The following CRLF3 variants were observed in gnomAD, a reference collection of about 807,000 sequenced individuals.
CRLF3 encodes cytokine receptor-like factor 3.
A neutral mutation model predicts 55.0 loss-of-function variants in CRLF3; 33 were observed. The ratio of observed to expected loss-of-function variants is 0.60; its 90% confidence interval spans 0.46 to 0.80. The LOEUF is 0.80. Ranked by LOEUF, CRLF3 falls within the 30% of genes least tolerant of loss-of-function variation. The probability of loss-of-function intolerance (pLI) is 0.00; values close to 1 mark genes in which losing one functional copy is unlikely to be tolerated. For missense variants in CRLF3, 494 were observed against 538.4 expected, an observed-to-expected ratio of 0.92 and a Z score of 0.82; for synonymous variants, 238 against 196.8, an observed-to-expected ratio of 1.21 and a Z score of -1.75.
intron 1 of CRLF3, among the ~76,000 whole-genome samples, chr17:30,818,400 G>T (rs992719068): frequency 6.6e-6 from 1 of 151,596 alleles, no homozygotes; most frequent in Non-Finnish European, 1.5e-5. Context: ...TTCAAAATGG[G>T]TAACAGAAGG....
chr17:30,816,938 G>A (rs1904824599), intron 1 of CRLF3, among the ~76,000 whole-genome samples: 1 of 152,150 alleles, frequency 6.6e-6, no homozygotes, highest in African/African-American at 2.4e-5. Context: ...ATCTAGGTTT[G>A]TACAATGACA....
chr17:30,821,976 C>G (rs1207546935), intron 1 of CRLF3, among the ~76,000 whole-genome samples: 1 of 147,986 alleles, frequency 6.8e-6, no homozygotes, highest in African/African-American at 2.5e-5. Context: ...ATTCCATCAC[C>G]GGAAGGCAGA....
intron 6 of CRLF3, among the ~76,000 whole-genome samples, chr17:30,790,391 C>G (rs753935444): frequency 3.9e-5 from 6 of 152,038 alleles, no homozygotes; most frequent in African/African-American, 1.5e-4. Context: ...AAGAATACAT[C>G]TCAGATAACA....
intron 6 of CRLF3, among the ~76,000 whole-genome samples, chr17:30,789,486 A>G (rs562722350): frequency 6.6e-6 from 1 of 152,334 alleles, no homozygotes; most frequent in East Asian, 1.9e-4. Context: ...GGACACAGTA[A>G]TAGAGAAACT....
At chr17:30,814,399 A>C (rs1258274929) in intron 1 of CRLF3, among the ~76,000 whole-genome samples, 5 of 152,346 alleles carry the variant, frequency 3.3e-5, no homozygotes, top group Non-Finnish European at 7.3e-5. Context: ...CATGCCTGTA[A>C]TTCCAGCACT....
chr17:30,793,486 C>T lies in CRLF3; in HGVS notation c.790G>A (p.Val264Ile). The part of the protein sequence containing the change: ...DGRQEWSPWS[V>I]PQIGHSTLVP... Reference sequence around the variant, plus strand: ...AATGTGGAATGACCTATCTGGGGGACACTCCAAGGACTCCACTCCTGTCGG... The same window carrying T: ...AATGTGGAATGACCTATCTGGGGGATACTCCAAGGACTCCACTCCTGTCGG... The change falls in exon 5 of 8, where the codon GTC (valine) becomes ATC (isoleucine). Residue 264 changes from valine (V) to isoleucine (I), a missense_variant. By Grantham distance (29) the Val-to-Ile change is conservative. Coordinates refer to ENST00000324238, the MANE Select transcript of CRLF3 (RefSeq NM_015986.4). 1 of 1,614,136 alleles carries T rather than the reference C, an allele frequency of 6.2e-7. No homozygotes were observed. The highest frequency in any genetic ancestry group is 8.5e-7 in the Non-Finnish European group (1 of 1,180,030).
chr17:30,799,411 G>C (rs558910514), intron 2 of CRLF3, among the ~76,000 whole-genome samples: 22 of 152,250 alleles, frequency 1.4e-4, no homozygotes, highest in African/African-American at 5.1e-4. Flanking sequence ...CCAGGCTGGA[G>C]TGTGATGTAT....
chr17:30,794,869 G>C (rs1036578633), intron 4 of CRLF3, among the ~76,000 whole-genome samples: 1 of 152,076 alleles, frequency 6.6e-6, no homozygotes, highest in Admixed American at 6.6e-5. Context: ...GCCAATTATT[G>C]GTCAAGATAT....
At chr17:30,787,715 A>T (rs1372807066) in intron 6 of CRLF3, 1 of 152,088 alleles carries the variant, frequency 6.6e-6, no homozygotes, top group Non-Finnish European at 1.5e-5. Context: ...TATGGGGAGG[A>T]GGGGCCGGGC....
chr17:30,808,102 G>A (rs963877485), intron 1 of CRLF3, among the ~76,000 whole-genome samples: 1 of 151,914 alleles, frequency 6.6e-6, no homozygotes, highest in Non-Finnish European at 1.5e-5. Flanking sequence ...GAGTGAAAAC[G>A]CAGTTAATCA....
chr17:30,793,515 T>G lies in CRLF3; in HGVS notation c.761A>C (p.Asp254Ala), dbSNP rs747594834. 3.1e-6 allele frequency: 5 copies of G among 1,614,104 alleles called. No homozygotes were observed. Among genetic ancestry groups the G allele is most frequent in the Non-Finnish European group, 2.5e-6 (3 of 1,180,018 alleles). Residue 254 changes from aspartate (D) to alanine (A), a missense_variant, in exon 5 of 8, where the codon GAT (aspartate) becomes GCT (alanine). Coordinates refer to ENST00000324238, the MANE Select transcript of CRLF3 (RefSeq NM_015986.4). ...CCAAGGACTCCACTCCTGTCGGCCA[T>G]CTCCTCGGGCGCAGACTCTGAACTG... The part of the protein sequence containing the change: ...DYQFRVCARG[D>A]GRQEWSPWSV...
chr17:30,790,360 C>G (rs1426017429), intron 6 of CRLF3, among the ~76,000 whole-genome samples: 1 of 152,040 alleles, frequency 6.6e-6, no homozygotes, highest in African/African-American at 2.4e-5. Context: ...CTACGAAGAG[C>G]TATTCAGAAA....
chr17:30,819,099 G>A (rs1904908081), intron 1 of CRLF3, among the ~76,000 whole-genome samples: 1 of 152,214 alleles, frequency 6.6e-6, no homozygotes, highest in South Asian at 2.1e-4. Context: ...TTACAGGCGT[G>A]AGCCACTGAG....
chr17:30,811,881 C>T (rs1376377071), intron 1 of CRLF3, among the ~76,000 whole-genome samples: 6 of 146,504 alleles, frequency 4.1e-5, no homozygotes, highest in African/African-American at 1.0e-4. Flanking sequence ...GAGGCCGAGG[C>T]GGGCGGGTCA....
At chr17:30,804,873 G>A (rs139571605) in intron 1 of CRLF3, among the ~76,000 whole-genome samples, 1 of 152,212 alleles carries the variant, frequency 6.6e-6, no homozygotes, top group African/African-American at 2.4e-5. Flanking sequence ...TTTCTTATTT[G>A]TCAAATGAGC....
intron 2 of CRLF3, among the ~76,000 whole-genome samples, chr17:30,802,364 C>A (rs970949886): frequency 3.3e-5 from 5 of 152,102 alleles, no homozygotes; most frequent in Admixed American, 6.5e-5. Flanking sequence ...TGATGATCCG[C>A]CCACCTCCAC....
rs984233770 is a variant in CRLF3 at position 30,783,628 on chromosome 17, G to C, written c.*559C>G. On this transcript the variant is annotated 3_prime_UTR_variant, in exon 8 of 8. Coordinates refer to ENST00000324238, the MANE Select transcript of CRLF3 (RefSeq NM_015986.4). ...GTGAGACTCCGTCTCAACAAAAAAA[G>C]AAAAAGTTATAATGTTTTGGGGACT... 6.6e-6 allele frequency: 1 copy of C among 152,176 alleles called. No homozygotes were observed. Among genetic ancestry groups the C allele is most frequent in the East Asian group, 1.9e-4 (1 of 5,204 alleles). 9.4% of individuals were successfully genotyped at this position (152,176 alleles called of 1,614,324 possible).
intron 1 of CRLF3, among the ~76,000 whole-genome samples, chr17:30,819,759 TAGA>T (rs1386439980): frequency 2.6e-5 from 4 of 152,200 alleles, no homozygotes; most frequent in Non-Finnish European, 4.4e-5. Context: ...AAAGATATAA[TAGA>T]AGTGAAATAT....
Position 30,783,927 on chromosome 17 carries a change from T to C in CRLF3, c.*260A>G, listed in dbSNP as rs3752023. 1.2e-4 allele frequency: 47 copies of C among 396,728 alleles called. No homozygotes were observed. The East Asian group carries it at 2.0e-3, about 17-fold the overall frequency. The allele number at this position is 396,728 out of a possible 1,614,324, so 24.6% of individuals were successfully genotyped here. A position where few individuals can be genotyped will look rare whatever the true frequency, so the allele number is the denominator to read the frequency against. On this transcript the variant is annotated 3_prime_UTR_variant, in exon 8 of 8. Coordinates refer to ENST00000324238, the MANE Select transcript of CRLF3 (RefSeq NM_015986.4). ...AGGGTATAGAACTTCCTATATCTTC[T>C]ATACTTTTAATGCCAATTTGATTTT...
Sources: gnomAD v4.1 joint callset for allele counts (sites outside exome capture counted in the v4.1 genomes callset) on GRCh38, gnomAD v4.1.1 for gene constraint, MANE v1.5 for transcripts, NCBI Gene and HGNC (gene_info 2026-07-23, HGNC 2026-07-21) for gene names.